NPR3: variants seen among roughly 807,000 people sequenced by gnomAD.
NPR3 encodes the protein natriuretic peptide receptor 3.
Under a neutral mutation model 54.5 loss-of-function variants are expected in NPR3, and 34 were observed. That is an observed-to-expected ratio of 0.62 (90% CI 0.47 to 0.83). The LOEUF (loss-of-function observed/expected upper bound fraction) is 0.83. NPR3 is among the 40% of genes least tolerant of loss of function. The pLI, the probability that NPR3 is intolerant of heterozygous loss-of-function variation, is 0.00. For synonymous variants in NPR3, 289 were observed against 297.1 expected (o/e 0.97, Z 0.28); for missense variants, 674 against 720.8 (o/e 0.94, Z 0.74).
intron 1 of NPR3, among the ~76,000 whole-genome samples, chr5:32,700,966 C>T (rs1485880725): frequency 3.9e-5 from 6 of 152,164 alleles, no homozygotes; most frequent in Non-Finnish European, 7.3e-5. Flanking sequence ...CTTGAGAAAT[C>T]GCCACACTGT....
At chr5:32,699,432 G>A (rs1275764924) in intron 1 of NPR3, among the ~76,000 whole-genome samples, 2 of 151,794 alleles carry the variant, frequency 1.3e-5, no homozygotes, top group East Asian at 1.9e-4. Flanking sequence ...GAATGCATTA[G>A]CTATTTGTCC....
At chr5:32,746,470 A>T (rs1322121482) in intron 3 of NPR3, among the ~76,000 whole-genome samples, 1 of 152,232 alleles carries the variant, frequency 6.6e-6, no homozygotes. Flanking sequence ...ATAGGGTACG[A>T]CAACATCGTG....
At chr5:32,698,956 A>C (rs559646825) in intron 1 of NPR3, among the ~76,000 whole-genome samples, 1 of 152,304 alleles carries the variant, frequency 6.6e-6, no homozygotes, top group East Asian at 1.9e-4. Flanking sequence ...TGGAAAGTTT[A>C]GTCCATTTAC....
chr5:32,743,758 T>G (rs1219541214), intron 3 of NPR3, among the ~76,000 whole-genome samples: 1 of 152,174 alleles, frequency 6.6e-6, no homozygotes, highest in African/African-American at 2.4e-5. Context: ...TGTTCACTCC[T>G]GTTTCCCTCA....
intron 1 of NPR3, among the ~76,000 whole-genome samples, chr5:32,714,191 A>G (rs1435365637): frequency 1.3e-5 from 2 of 152,132 alleles, no homozygotes; most frequent in East Asian, 1.9e-4. Flanking sequence ...GTGTCCCCCT[A>G]TGGGCGAGAT....
At chr5:32,769,423 A>G (rs931293941) in intron 3 of NPR3, among the ~76,000 whole-genome samples, 1 of 152,136 alleles carries the variant, frequency 6.6e-6, no homozygotes, top group Non-Finnish European at 1.5e-5. Flanking sequence ...TGGTCCAGCC[A>G]TTGTTCACTA....
Position 32,790,557 on chromosome 5 carries a change from T to C in NPR3, c.*4212T>C, listed in dbSNP as rs1742858508. ...CTCGGGGAAGTTCAAGCCTGTGATG[T>C]GCATAAACTCCAACAAGCCTGGCTT... On this transcript the variant is annotated 3_prime_UTR_variant, in exon 8 of 8. Coordinates refer to ENST00000265074, the MANE Select transcript of NPR3 (RefSeq NM_001204375.2). 1 of 166,646 alleles carries C rather than the reference T, an allele frequency of 6.0e-6. No individual in the cohort carries two copies. 10.3% of individuals were successfully genotyped at this position (166,646 alleles called of 1,614,324 possible). A position where few individuals can be genotyped will look rare whatever the true frequency, so the allele number is the denominator to read the frequency against.
intron 3 of NPR3, among the ~76,000 whole-genome samples, chr5:32,739,302 T>C (rs902381454): frequency 3.3e-5 from 5 of 152,112 alleles, no homozygotes; most frequent in African/African-American, 1.2e-4. Context: ...AATTGCTTTT[T>C]CATGGGCACT....
Position 32,712,408 on chromosome 5 carries a change from G to T in NPR3, c.632G>T (p.Arg211Leu). Residue 211 changes from arginine to leucine, a missense_variant, in exon 1 of 8, where the codon CGG becomes CTG. By Grantham distance (102) the Arg-to-Leu change is moderately radical (BLOSUM62 -2). Transcript: ENST00000265074. ...GTCTACAGCGACGACAAGCTGGAGC[G>T]GAACTGCTACTTCACCCTCGAGGGG... The part of the protein sequence containing the change: ...ALVYSDDKLE[R>L]NCYFTLEGVH... 1 of 1,613,358 alleles carries T rather than the reference G, an allele frequency of 6.2e-7. No homozygotes were observed. Among genetic ancestry groups the T allele is most frequent in the Non-Finnish European group, 8.5e-7 (1 of 1,179,610 alleles).
chr5:32,736,787 G>A (rs954669840), intron 2 of NPR3, among the ~76,000 whole-genome samples: 3 of 152,100 alleles, frequency 2.0e-5, no homozygotes, highest in Admixed American at 1.3e-4. Flanking sequence ...GGGAGGTTTC[G>A]TGGGAGAGGA....
rs1418962650 is a variant in NPR3, at chr5:32,724,839, TC to T, written c.892+23del. 5 of 1,613,390 alleles carry T rather than the reference TC, an allele frequency of 3.1e-6. No individual in the cohort carries two copies. In the African/African-American group the frequency reaches 5.3e-5, roughly 17 times the overall value. ...TCCTATGGTAACTCTGCTTCCACTTTCCCCTCCTCTGCTAGGGTTCCAAGAG... is the reference window on the plus strand; with the variant it reads ...TCCTATGGTAACTCTGCTTCCACTTTCCCTCCTCTGCTAGGGTTCCAAGAG... On this transcript the variant is annotated intron_variant, in intron 2 of 7. Transcript: ENST00000265074.
intron 3 of NPR3, among the ~76,000 whole-genome samples, chr5:32,762,162 A>G (rs923989880): frequency 1.3e-5 from 2 of 152,146 alleles, no homozygotes; most frequent in African/African-American, 2.4e-5. Context: ...CATAGTTTAC[A>G]TGTGCCACAT....
chr5:32,741,539 C>T (rs1165307151), intron 3 of NPR3, among the ~76,000 whole-genome samples: 3 of 152,064 alleles, frequency 2.0e-5, no homozygotes, highest in Non-Finnish European at 2.9e-5. Flanking sequence ...AAAGGTATAC[C>T]TACTACAAAG....
chr5:32,710,715 G>A, upstream of NPR3: 9 of 1,547,196 alleles, frequency 5.8e-6, no homozygotes, highest in Non-Finnish European at 7.9e-6. Context: ...CTTGCGCCGA[G>A]GGACCAGGAA....
At chr5:32,783,866 C>T (rs777000046) in intron 6 of NPR3, among the ~76,000 whole-genome samples, 2 of 152,186 alleles carry the variant, frequency 1.3e-5, no homozygotes, top group Admixed American at 1.3e-4. Flanking sequence ...CCCACCTAAG[C>T]GTTTTGAGGG....
chr5:32,789,913 A>G lies in NPR3; in HGVS notation c.*3568A>G. On this transcript the variant is annotated 3_prime_UTR_variant, in exon 8 of 8. Transcript: ENST00000265074. Reference sequence around the variant, plus strand: ...GCCACTGTGAGTGTTTATAAACTGGAAGGAACAAGTACCTGTGTTTCTTGG... The same window carrying G: ...GCCACTGTGAGTGTTTATAAACTGGGAGGAACAAGTACCTGTGTTTCTTGG... 2.6e-6 allele frequency: 1 copy of G among 379,720 alleles called. No homozygotes were observed. Among genetic ancestry groups the G allele is most frequent in the Non-Finnish European group, 5.4e-6 (1 of 184,392 alleles). 23.5% of individuals were successfully genotyped at this position (379,720 alleles called of 1,614,324 possible).
rs574556356 is a variant in NPR3, at chr5:32,784,470, A to G, written c.1427-326A>G. On this transcript the variant is annotated intron_variant, in intron 6 of 7. Coordinates refer to ENST00000265074, the MANE Select transcript of NPR3 (RefSeq NM_001204375.2). ...TCCCAATTCTTTGACTTTAAACTCA[A>G]AAGAGAGTGGCTATATCTGAAATCT... 3.9e-5 allele frequency among the ~76,000 whole-genome samples: 6 copies of G among 152,230 alleles called. No individual in the cohort carries two copies. The East Asian group carries it at 7.7e-4, about 20-fold the overall frequency.
intron 1 of NPR3, among the ~76,000 whole-genome samples, chr5:32,698,883 G>A (rs1740599490): frequency 6.7e-6 from 1 of 149,502 alleles, no homozygotes. Context: ...TGTGTTTCTT[G>A]TACACAATAG....
At chr5:32,755,499 T>C (rs1172952586) in intron 3 of NPR3, among the ~76,000 whole-genome samples, 1 of 152,162 alleles carries the variant, frequency 6.6e-6, no homozygotes, top group Non-Finnish European at 1.5e-5. Flanking sequence ...GGTAAGGTAT[T>C]GTACTATGTG....
Sources: allele counts gnomAD v4.1 joint callset (sites outside exome capture counted in the v4.1 genomes callset), GRCh38; gene constraint gnomAD v4.1.1; transcripts MANE v1.5; gene names NCBI Gene and HGNC (gene_info 2026-07-23, HGNC 2026-07-21).